The following AMMECR1 variants were observed in gnomAD, a reference collection of about 807,000 sequenced individuals.
AMMECR1 encodes the protein AMMECR nuclear protein 1.
A neutral mutation model predicts 22.5 loss-of-function variants in AMMECR1; 3 were observed. The ratio of observed to expected loss-of-function variants is 0.13; its 90% confidence interval spans 0.06 to 0.35. The LOEUF is 0.35. Among genes scored for constraint, AMMECR1 ranks in the 10% least tolerant of loss-of-function variants. The pLI, the probability that AMMECR1 is intolerant of heterozygous loss-of-function variation, is 1.00. For missense variants in AMMECR1, 235 were observed against 278.7 expected, an observed-to-expected ratio of 0.84 and a Z score of 1.12; for synonymous variants, 130 against 116.7, an observed-to-expected ratio of 1.11 and a Z score of -0.74.
At chrX:110,232,130 A>G (rs1009030720) in intron 2 of AMMECR1, among the ~76,000 whole-genome samples, 5 of 111,279 alleles carry the variant, frequency 4.5e-5, no homozygotes, top group African/African-American at 6.6e-5. Context: ...TAACAAGGAT[A>G]CCCAGGACCT....
rs765137567 is a variant in AMMECR1 at position 110,383,212 on chromosome X, A to G, written c.-148+43446T>C. ...GGCTATCTGTCCCTTTCTCAGTTGA[A>G]TATATGAGGGTCTTCTTCCCAGGAG... On this transcript the variant is annotated intron_variant, in intron 2 of 7. Coordinates refer to the AMMECR1 transcript ENST00000372057. Among the ~76,000 whole-genome samples the G allele has an allele frequency of 3.6e-5, 4 of 111,313 alleles. No individual in the cohort carries two copies. The South Asian group carries it at 1.5e-3, about 42-fold the overall frequency.
intron 2 of AMMECR1, among the ~76,000 whole-genome samples, chrX:110,343,897 TC>T (rs1044671042): frequency 9.0e-6 from 1 of 111,334 alleles, no homozygotes; most frequent in Non-Finnish European, 1.9e-5. Context: ...AGAATCAATA[TC>T]ATGAAAATGG....
At chrX:110,214,156 A>C (rs1412939618) in intron 3 of AMMECR1, among the ~76,000 whole-genome samples, 1 of 110,137 alleles carries the variant, frequency 9.1e-6, no homozygotes, top group African/African-American at 3.3e-5. Context: ...CCAGCTACTC[A>C]GGAGGCTGAG....
At chrX:110,426,001 C>G (rs749206329) in intron 2 of AMMECR1, among the ~76,000 whole-genome samples, 6 of 111,670 alleles carry the variant, frequency 5.4e-5, no homozygotes, top group Non-Finnish European at 7.5e-5. Context: ...CACACACAAA[C>G]GCACACACAC....
At chrX:110,232,447 A>G (rs2067572482) in intron 2 of AMMECR1, among the ~76,000 whole-genome samples, 1 of 112,106 alleles carries the variant, frequency 8.9e-6, no homozygotes, top group African/African-American at 3.3e-5. Flanking sequence ...AGGCAGAAAT[A>G]AAAATGTTCT....
At chrX:110,201,899 C>G (rs1469480137) in intron 4 of AMMECR1, among the ~76,000 whole-genome samples, 2 of 111,844 alleles carry the variant, frequency 1.8e-5, no homozygotes, top group Non-Finnish European at 3.8e-5. Context: ...TTGGTTCATA[C>G]AGGTCTATGC....
chrX:110,297,467 A>T (rs1225928265), intron 1 of AMMECR1, among the ~76,000 whole-genome samples: 1 of 111,791 alleles, frequency 8.9e-6, no homozygotes, highest in Non-Finnish European at 1.9e-5. Flanking sequence ...ACTCTCCAGT[A>T]GCTACAGGTT....
chrX:110,422,482 G>A (rs1327376810), intron 2 of AMMECR1, among the ~76,000 whole-genome samples: 1 of 112,881 alleles, frequency 8.9e-6, no homozygotes, highest in African/African-American at 3.2e-5. Flanking sequence ...GTTCTCCCCA[G>A]TTGTGGCAAA....
intron 2 of AMMECR1, among the ~76,000 whole-genome samples, chrX:110,378,466 T>C (rs2068394670): frequency 8.9e-6 from 1 of 111,845 alleles, no homozygotes. Context: ...CAAAAGATCC[T>C]TGAAGTTTCC....
intron 2 of AMMECR1, among the ~76,000 whole-genome samples, chrX:110,378,824 G>T (rs1194056747): frequency 9.0e-6 from 1 of 111,205 alleles, no homozygotes; most frequent in Admixed American, 9.5e-5. Context: ...GCTGCCCACT[G>T]CTGGCTCTTC....
chrX:110,308,165 T>C (rs1317316170), intron 1 of AMMECR1, among the ~76,000 whole-genome samples: 4 of 111,728 alleles, frequency 3.6e-5, no homozygotes, highest in Admixed American at 2.9e-4. Flanking sequence ...GCGTGAGCCA[T>C]GGCACCTAGC....
upstream of AMMECR1, among the ~76,000 whole-genome samples, chrX:110,320,484 C>A (rs909921788): frequency 8.9e-6 from 1 of 112,190 alleles, no homozygotes; most frequent in African/African-American, 3.2e-5. Flanking sequence ...TGGATGGCTG[C>A]TTCTGCTAGG....
At chrX:110,199,288 A>G (rs1384726884) in intron 5 of AMMECR1, among the ~76,000 whole-genome samples, 1 of 110,691 alleles carries the variant, frequency 9.0e-6, no homozygotes, top group Non-Finnish European at 1.9e-5. Flanking sequence ...CTCTGGTGCT[A>G]AGGATTCTAT....
intron 2 of AMMECR1, among the ~76,000 whole-genome samples, chrX:110,358,544 A>G (rs2068242576): frequency 9.0e-6 from 1 of 110,770 alleles, no homozygotes. Context: ...CAGACCTTGG[A>G]TTTGTCCAAG....
chrX:110,330,249 C>A (rs771408959), intron 2 of AMMECR1, among the ~76,000 whole-genome samples: 5 of 111,821 alleles, frequency 4.5e-5, no homozygotes, highest in Non-Finnish European at 7.5e-5. Flanking sequence ...ACAAAAAAAA[C>A]GACTTTCAGG....
intron 2 of AMMECR1, among the ~76,000 whole-genome samples, chrX:110,406,114 GT>G (rs201895781): frequency 2.5e-3 from 260 of 103,806 alleles, no homozygotes; most frequent in East Asian, 0.016. Flanking sequence ...CTGGAAAGTG[GT>G]TTTTTTTTTT....
intron 2 of AMMECR1, among the ~76,000 whole-genome samples, chrX:110,387,842 G>A (rs1013307771): frequency 4.8e-5 from 5 of 103,125 alleles, no homozygotes; most frequent in African/African-American, 7.2e-5. Flanking sequence ...TGATATGATC[G>A]TTATCTCCCT....
At chrX:110,266,689 T>C (rs1297127957) in intron 1 of AMMECR1, among the ~76,000 whole-genome samples, 4 of 108,721 alleles carry the variant, frequency 3.7e-5, no homozygotes, top group South Asian at 4.1e-4. Flanking sequence ...CCTGTCTCTT[T>C]TTTTTTTTTT....
chrX:110,408,713 A>G (rs776764545), intron 2 of AMMECR1, among the ~76,000 whole-genome samples: 3 of 112,297 alleles, frequency 2.7e-5, no homozygotes, highest in Non-Finnish European at 5.6e-5. Context: ...ATAACATATC[A>G]GTTTGTGTCC....
Sources: gnomAD v4.1 joint callset for allele counts (sites outside exome capture counted in the v4.1 genomes callset) on GRCh38, gnomAD v4.1.1 for gene constraint, MANE v1.5 for transcripts, NCBI Gene and HGNC (gene_info 2026-07-23, HGNC 2026-07-21) for gene names.